VASP: variants seen among roughly 807,000 people sequenced by gnomAD.
VASP encodes vasodilator-stimulated phosphoprotein.
VASP carries 27 observed loss-of-function variants against 54.4 expected under a neutral mutation model. The ratio of observed to expected loss-of-function variants is 0.50; its 90% CI spans 0.37 to 0.68. The LOEUF is 0.68. VASP is among the 30% of genes least tolerant of loss of function. The pLI is 0.00. For synonymous variants in VASP, 233 were observed against 209.8 expected, an observed-to-expected ratio of 1.11 and a Z score of -0.96; for missense variants, 488 against 528.3, an observed-to-expected ratio of 0.92 and a Z score of 0.75.
chr19:45,521,782 G>A (rs1176063104), intron 4 of VASP, among the ~76,000 whole-genome samples: 1 of 152,034 alleles, frequency 6.6e-6, no homozygotes, highest in Admixed American at 6.5e-5. Flanking sequence ...ATCCCAGCTC[G>A]GCAGGCCGAG....
chr19:45,522,237 G>C lies in VASP; in HGVS notation c.478+20G>C. The C allele has an allele frequency of 1.2e-6, 2 of 1,614,194 alleles. No individual in the cohort carries two copies. Among genetic ancestry groups the C allele is most frequent in the South Asian group, 1.1e-5 (1 of 91,088 alleles). On this transcript the variant is annotated intron_variant, in intron 5 of 12. Coordinates refer to ENST00000245932, the MANE Select transcript of VASP (RefSeq NM_003370.4). ...ATGCAGGTGATGCTCAGATAGCTTC[G>C]GGAGTTGGGAGGGGGCCTCCCTGGA...
chr19:45,516,940 G>A (rs1440150671), intron 1 of VASP, among the ~76,000 whole-genome samples: 4 of 119,370 alleles, frequency 3.4e-5, no homozygotes, highest in South Asian at 2.9e-4. Flanking sequence ...CAGAGGTTGC[G>A]GTGAGCCGAG....
chr19:45,507,789 T>TGCCCCCCGACCCGTCCCC lies in VASP; in HGVS notation c.5+18_5+35dup. 1.4e-6 allele frequency: 2 copies of TGCCCCCCGACCCGTCCCC among 1,458,784 alleles called. No homozygotes were observed. The highest frequency in any genetic ancestry group is 2.9e-5 in the East Asian group (1 of 34,302). 90.4% of individuals were successfully genotyped at this position (1,458,784 alleles called of 1,614,324 possible). On this transcript the variant is annotated intron_variant, in intron 1 of 12. Transcript: ENST00000245932. The surrounding 1 kb of genome is among the most constrained non-coding windows in gnomAD (Gnocchi z 4.4). ...GAGCAGCCATGAGGTGAGCCGGACC[T>TGCCCCCCGACCCGTCCCC]GCCCCCCGACCCGTCCCCGCCCGGG...
rs1019432085 is a variant in VASP at position 45,509,400 on chromosome 19, C to T, written c.5+1624C>T. Among the ~76,000 whole-genome samples the T allele has an allele frequency of 4.0e-5, 6 of 150,894 alleles. No homozygotes were observed. In the East Asian group the frequency reaches 7.8e-4, roughly 20 times the overall value. On this transcript the variant is annotated intron_variant, in intron 1 of 12. Coordinates refer to ENST00000245932, the MANE Select transcript of VASP (RefSeq NM_003370.4). ...CCAGCCCCGCCCCTCCACCCCCCCT[C>T]GCGTTTCCGGTCCCAGGCTCGGTGG...
chr19:45,511,018 GAA>G (rs1318310712), intron 1 of VASP, among the ~76,000 whole-genome samples: 2 of 151,086 alleles, frequency 1.3e-5, no homozygotes, highest in African/African-American at 2.4e-5. Context: ...CTTTCACTGT[GAA>G]AACTCTTAAG....
intron 11 of VASP, chr19:45,525,721 T>TA (rs1256188545): frequency 8.6e-6 from 4 of 465,968 alleles, no homozygotes; most frequent in African/African-American, 4.1e-5. Flanking sequence ...AAGAAAAAGT[T>TA]ACCTGATTGT....
chr19:45,525,333 G>A (rs982257638), intron 11 of VASP, among the ~76,000 whole-genome samples: 1 of 152,160 alleles, frequency 6.6e-6, no homozygotes, highest in East Asian at 1.9e-4. Context: ...GGAGGCCGAG[G>A]TGGGTGGATC....
At position 45,526,520 on chromosome 19, in the gene VASP, C is replaced by G. The variant is rs1045777991; in HGVS notation, c.*343C>G. 4.1e-5 allele frequency: 9 copies of G among 217,844 alleles called. No homozygotes were observed. The highest frequency in any genetic ancestry group is 2.1e-4 in the African/African-American group (9 of 43,752). The allele number at this position is 217,844 out of a possible 1,614,324, so 13.5% of individuals were successfully genotyped here. ...TTCCCTTGTTCTAGATTCACTTTAA[C>G]GCTTAATGCCTTCAAAGTTTTGGTT... is the stretch of plus-strand genomic sequence containing the variant. On this transcript the variant is annotated 3_prime_UTR_variant, in exon 13 of 13. Coordinates refer to ENST00000245932, the MANE Select transcript of VASP (RefSeq NM_003370.4).
chr19:45,523,258 A>G (rs2122339621), intron 7 of VASP, among the ~76,000 whole-genome samples: 1 of 119,910 alleles, frequency 8.3e-6, no homozygotes, highest in South Asian at 2.9e-4. Flanking sequence ...GCTGGAGTGC[A>G]GTGGTATGAT....
At chr19:45,509,655 G>A (rs1015623892) in intron 1 of VASP, among the ~76,000 whole-genome samples, 3 of 152,188 alleles carry the variant, frequency 2.0e-5, no homozygotes, top group Non-Finnish European at 4.4e-5. Context: ...ATGACCAGAT[G>A]CCTGTCCCAC....
chr19:45,522,956 G>A, intron 7 of VASP, 138 bp downstream of exon 7: 1 of 929,402 alleles, frequency 1.1e-6, no homozygotes, highest in Non-Finnish European at 1.6e-6. Flanking sequence ...GGGATATAAT[G>A]GTGGGGTTTG....
intron 1 of VASP, among the ~76,000 whole-genome samples, chr19:45,508,533 G>C (rs919973935): frequency 6.6e-6 from 1 of 151,804 alleles, no homozygotes; most frequent in African/African-American, 2.4e-5. Flanking sequence ...CCACCTGCGC[G>C]GCCCTGGAGA....
chr19:45,523,753 T>C (rs1382764622), intron 8 of VASP, 58 bp downstream of exon 8: 1 of 1,613,650 alleles, frequency 6.2e-7, no homozygotes, highest in Non-Finnish European at 8.5e-7. Context: ...AGGGTAGGGA[T>C]AGTGGGATGT....
intron 1 of VASP, among the ~76,000 whole-genome samples, chr19:45,514,941 C>T (rs1251727121): frequency 1.3e-5 from 2 of 152,116 alleles, no homozygotes; most frequent in Non-Finnish European, 2.9e-5. Context: ...AGTCACTCAA[C>T]CTCTCTGGGC....
chr19:45,513,765 G>A (rs1272983225), intron 1 of VASP, among the ~76,000 whole-genome samples: 1 of 151,660 alleles, frequency 6.6e-6, no homozygotes, highest in Admixed American at 6.6e-5. Flanking sequence ...ACCACACCCA[G>A]CCTTCCCAAG....
At chr19:45,522,288 G>A (rs2122332609) in intron 5 of VASP, 52 bp from the exon 6 acceptor site, 1 of 1,613,990 alleles carries the variant, frequency 6.2e-7, no homozygotes, top group Non-Finnish European at 8.5e-7. Flanking sequence ...GCTGGACAGT[G>A]AAGAATGAGG....
In VASP at chr19:45,525,480, C is replaced by T. The variant is rs569758075; in HGVS notation, c.1048-466C>T. 5.3e-5 allele frequency among the ~76,000 whole-genome samples: 8 copies of T among 152,250 alleles called. No homozygotes were observed. In the South Asian group the frequency reaches 1.2e-3, roughly 24 times the overall value. On this transcript the variant is annotated intron_variant, in intron 11 of 12. Transcript: ENST00000245932. ...TTGGAAGGCTGATGGGGACGGATCA[C>T]GTGAAGTCAAAAGTTCGAGACCAGC...
intron 3 of VASP, 137 bp downstream of exon 3, chr19:45,518,231 A>C: frequency 7.6e-7 from 1 of 1,313,578 alleles, no homozygotes; most frequent in Non-Finnish European, 1.0e-6. Flanking sequence ...AATTATCACT[A>C]GCATTTTGTG....
chr19:45,509,524 C>CCACCAG (rs1332618362), intron 1 of VASP, among the ~76,000 whole-genome samples: 9 of 151,342 alleles, frequency 5.9e-5, no homozygotes, highest in African/African-American at 2.2e-4. Context: ...CTCCCCACCA[C>CCACCAG]CACCACCACC....
Sources: gnomAD v4.1 joint callset for allele counts (sites outside exome capture counted in the v4.1 genomes callset) on GRCh38, gnomAD v4.1.1 for gene constraint, Gnocchi (gnomAD v3.1) non-coding constraint, MANE v1.5 for transcripts, NCBI Gene and HGNC (gene_info 2026-07-23, HGNC 2026-07-21) for gene names.